Variants in SIMC1 observed in about 807,000 individuals in gnomAD.
SIMC1 encodes the protein SUMO interacting motifs containing 1, also known as SUMO-interacting motif-containing protein 1.
Under a neutral mutation model 82.3 loss-of-function variants are expected in SIMC1, and 55 were observed. The observed-to-expected ratio is 0.67, with a 90% confidence interval of 0.54 to 0.84. The LOEUF is 0.84. Ranked by LOEUF, SIMC1 falls within the 40% of genes least tolerant of loss-of-function variation. The pLI is 0.00. For missense variants in SIMC1, 915 were observed against 1,107.2 expected (o/e 0.83, Z 2.46); for synonymous variants, 353 against 426.3 (o/e 0.83, Z 2.12).
chr5:176,330,523 A>G (rs1765603374), intron 7 of SIMC1, among the ~76,000 whole-genome samples: 1 of 152,172 alleles, frequency 6.6e-6, no homozygotes, highest in Admixed American at 6.5e-5. Context: ...ATATTCAAAG[A>G]CTATTCAGAA....
chr5:176,317,657 CTA>C (rs1764976893), intron 5 of SIMC1, among the ~76,000 whole-genome samples: 2 of 152,080 alleles, frequency 1.3e-5, no homozygotes, highest in African/African-American at 2.4e-5. Context: ...ATTACTATGA[CTA>C]TGTGTGCTAG....
chr5:176,250,746 G>C (rs1761622653), intron 1 of SIMC1, among the ~76,000 whole-genome samples: 1 of 152,052 alleles, frequency 6.6e-6, no homozygotes, highest in African/African-American at 2.4e-5. Flanking sequence ...GATCTTTGTT[G>C]GTTTAAAGTC....
chr5:176,249,853 A>AAAC (rs1554104698), intron 1 of SIMC1, among the ~76,000 whole-genome samples: 1 of 151,076 alleles, frequency 6.6e-6, no homozygotes, highest in Non-Finnish European at 1.5e-5. Context: ...CAAAAAAAAA[A>AAAC]AAAAAAAAAA....
chr5:176,279,775 TGAG>T (rs949852392), intron 1 of SIMC1, among the ~76,000 whole-genome samples: 13 of 151,744 alleles, frequency 8.6e-5, no homozygotes, highest in African/African-American at 3.1e-4. Context: ...TCCATGTAGT[TGAG>T]GAGTTTTGAG....
At chr5:176,339,644 A>G (rs933196746) in intron 9 of SIMC1, among the ~76,000 whole-genome samples, 6 of 152,196 alleles carry the variant, frequency 3.9e-5, no homozygotes, top group Non-Finnish European at 8.8e-5. Context: ...ATAATGACTT[A>G]AGGTGGAAAC....
chr5:176,287,300 T>TA (rs1230353163), intron 1 of SIMC1, among the ~76,000 whole-genome samples: 2 of 152,146 alleles, frequency 1.3e-5, no homozygotes, highest in African/African-American at 2.4e-5. Flanking sequence ...TATGCAGCCA[T>TA]AAAAAATGAT....
At chr5:176,328,818 T>C (rs1270212465) in intron 7 of SIMC1, among the ~76,000 whole-genome samples, 2 of 152,148 alleles carry the variant, frequency 1.3e-5, no homozygotes, top group East Asian at 3.9e-4. Context: ...CACAGGCGTA[T>C]GAGGCTGGCC....
chr5:176,327,443 G>A (rs1251552633), intron 7 of SIMC1, among the ~76,000 whole-genome samples: 1 of 152,202 alleles, frequency 6.6e-6, no homozygotes, highest in Non-Finnish European at 1.5e-5. Context: ...GTAGTGTATA[G>A]AAACCCTGCA....
At position 176,285,287 on chromosome 5, in the gene SIMC1, C is replaced by T. The variant is rs554234300; in HGVS notation, c.130-4367C>T. Among the ~76,000 whole-genome samples the T allele has an allele frequency of 6.5e-4, 99 of 152,242 alleles. 2 individuals are homozygous for T. In the South Asian group the frequency reaches 0.02, roughly 31 times the overall value. ...AGCAGCACATCAAAAAGCTTATCCACCATGATCAAGTGGGCTTCATCCCTG... is the reference window on the plus strand; with the variant it reads ...AGCAGCACATCAAAAAGCTTATCCATCATGATCAAGTGGGCTTCATCCCTG... On this transcript the variant is annotated intron_variant, in intron 1 of 9. Coordinates refer to ENST00000429602, the MANE Select transcript of SIMC1 (RefSeq NM_001308195.2).
intron 2 of SIMC1, among the ~76,000 whole-genome samples, chr5:176,291,968 A>G (rs1763594881): frequency 6.6e-6 from 1 of 152,160 alleles, no homozygotes; most frequent in Admixed American, 6.5e-5. Flanking sequence ...AGGCAGGAGA[A>G]TCACCTGAAT....
At chr5:176,336,352 T>G (rs544456130) in intron 7 of SIMC1, among the ~76,000 whole-genome samples, 2 of 152,270 alleles carry the variant, frequency 1.3e-5, no homozygotes, top group East Asian at 3.9e-4. Flanking sequence ...ACTATCAGCT[T>G]TTTGAGAGTG....
At chr5:176,299,392 T>TAAA (rs567330074) in intron 4 of SIMC1, among the ~76,000 whole-genome samples, 1 of 132,418 alleles carries the variant, frequency 7.6e-6, no homozygotes, top group East Asian at 2.1e-4. Flanking sequence ...ACCCTGTCTC[T>TAAA]AAAAAAAAAA....
In SIMC1 at chr5:176,252,372, C is replaced by T. The variant is rs555403724; in HGVS notation, c.129+13735C>T. On this transcript the variant is annotated intron_variant, in intron 1 of 9. Coordinates refer to ENST00000429602, the MANE Select transcript of SIMC1 (RefSeq NM_001308195.2). ...GTGGCTGCCGGGCGGAGGGGCTCCT[C>T]ACTTCTCAGACGGGGCGGTTGCCAG... is the stretch of plus-strand genomic sequence containing the variant. Among the ~76,000 whole-genome samples, 349 of 151,608 alleles carry T rather than the reference C, an allele frequency of 2.3e-3. 3 individuals carry two copies. Among genetic ancestry groups the T allele is most frequent in the African/African-American group, 8.1e-3 (335 of 41,312 alleles).
chr5:176,272,395 A>C (rs1036406468), intron 1 of SIMC1, among the ~76,000 whole-genome samples: 3 of 151,628 alleles, frequency 2.0e-5, no homozygotes, highest in Non-Finnish European at 2.9e-5. Context: ...AAAAAAAAAA[A>C]CATACAGATT....
At chr5:176,330,585 T>C (rs1002327034) in intron 7 of SIMC1, among the ~76,000 whole-genome samples, 3 of 152,096 alleles carry the variant, frequency 2.0e-5, no homozygotes, top group Non-Finnish European at 4.4e-5. Flanking sequence ...TGACCAAATC[T>C]GGAATAATTT....
chr5:176,325,806 T>C (rs1376567003), intron 7 of SIMC1, among the ~76,000 whole-genome samples: 1 of 152,166 alleles, frequency 6.6e-6, no homozygotes, highest in Non-Finnish European at 1.5e-5. Context: ...AAGTGTTCAC[T>C]AAAGGCTTGG....
At chr5:176,262,622 T>C (rs1201283711) in intron 1 of SIMC1, among the ~76,000 whole-genome samples, 2 of 152,070 alleles carry the variant, frequency 1.3e-5, no homozygotes, top group East Asian at 1.9e-4. Context: ...CTGGCCAGTG[T>C]GGTGAAATCT....
At chr5:176,315,707 GT>G (rs1476942243) in intron 5 of SIMC1, among the ~76,000 whole-genome samples, 1 of 152,108 alleles carries the variant, frequency 6.6e-6, no homozygotes, top group Non-Finnish European at 1.5e-5. Context: ...CAAGGAGGAC[GT>G]TTCGTTATGT....
chr5:176,315,729 G>A (rs142603070), intron 5 of SIMC1, among the ~76,000 whole-genome samples: 37 of 152,206 alleles, frequency 2.4e-4, no homozygotes, highest in African/African-American at 8.9e-4. Flanking sequence ...TTTGGGCATT[G>A]TTCAGTTTTC....
Sources: allele counts gnomAD v4.1 joint callset (sites outside exome capture counted in the v4.1 genomes callset), GRCh38; gene constraint gnomAD v4.1.1; transcripts MANE v1.5; gene names NCBI Gene and HGNC (gene_info 2026-07-23, HGNC 2026-07-21).